The following CHD2 variants were observed in gnomAD, a reference collection of about 807,000 sequenced individuals.
CHD2 encodes chromodomain helicase DNA binding protein 2, also known as ATP-dependent chromatin remodeler CHD2.
In CHD2, 28 loss-of-function variants were observed where a neutral mutation model predicts 243.9. That is an observed-to-expected ratio of 0.11 (90% confidence interval 0.09 to 0.16). The LOEUF (loss-of-function observed/expected upper bound fraction) is 0.16, where lower values mean the gene tolerates loss of function less well. Among genes scored for constraint, CHD2 ranks in the 10% least tolerant of loss-of-function variants. The pLI is 1.00. For synonymous variants in CHD2, 775 were observed against 779.0 expected (o/e 0.99, Z 0.09); for missense variants, 1,386 against 2,209.8 (o/e 0.63, Z 7.47).
chr15:93,015,182 G>A (rs2054443079), intron 37 of CHD2, among the ~76,000 whole-genome samples: 2 of 152,106 alleles, frequency 1.3e-5, no homozygotes, highest in South Asian at 4.1e-4. Context: ...GGGTTCAGGC[G>A]ATTCTCGTCC....
At chr15:92,924,604 G>GC in intron 3 of CHD2, 52 bp downstream of exon 3, 1 of 1,501,464 alleles carries the variant, frequency 6.7e-7, no homozygotes, top group Non-Finnish European at 9.3e-7. Flanking sequence ...GGACAAGCTA[G>GC]CAGACCTTTG....
intron 22 of CHD2, among the ~76,000 whole-genome samples, chr15:92,979,691 A>G (rs1291268296): frequency 6.6e-6 from 1 of 151,614 alleles, no homozygotes; most frequent in Non-Finnish European, 1.5e-5. Context: ...TTGTGCTTCC[A>G]GAAGGGTGTA....
Position 92,901,270 on chromosome 15 carries a change from G to T in CHD2, c.33G>T (p.Glu11Asp). Residue 11 changes from glutamate (E) to aspartate (D), a missense_variant, in exon 2 of 39, where the codon GAG (glutamate) becomes GAT (aspartate). Around this residue, in one of 19 missense-constraint regions of CHD2, gnomAD observed 89 missense variants for 102.4 expected, o/e 0.87. Transcript: ENST00000394196. ...GAAATAAGGACAAAAGCCAAGAGGA[G>T]GACAGTTCGCTACACAGCAATGCAT... MMRNKDKSQE[E>D]DSSLHSNASS... 1 of 1,608,126 alleles carries T rather than the reference G, an allele frequency of 6.2e-7. No individual in the cohort carries two copies. Among genetic ancestry groups the T allele is most frequent in the Non-Finnish European group, 8.5e-7 (1 of 1,175,180 alleles).
At chr15:92,962,984 A>G (rs377155737) in intron 16 of CHD2, among the ~76,000 whole-genome samples, 1 of 152,166 alleles carries the variant, frequency 6.6e-6, no homozygotes, top group African/African-American at 2.4e-5. Context: ...TTTGCATGAT[A>G]TATTGTTTTC....
chr15:93,009,274 G>A lies in CHD2; in HGVS notation c.4543G>A (p.Glu1515Lys). 6.2e-7 allele frequency: 1 copy of A among 1,614,184 alleles called. No homozygotes were observed. The highest frequency in any genetic ancestry group is 8.5e-7 in the Non-Finnish European group (1 of 1,180,026). Residue 1515 changes from glutamate to lysine, a missense_variant, in exon 35 of 39, where the codon GAG (glutamate) becomes AAG (lysine). Physicochemically the swap from Glu to Lys is moderately conservative, Grantham distance 56. Around this residue, in one of 19 missense-constraint regions of CHD2, gnomAD observed 42 missense variants for 47.6 expected, o/e 0.88. Transcript: ENST00000394196. ...GCTGAAAATCGGAGACCGGATAGCC[G>A]AGTGCCTTAAAGCCTACTCAGATCA... is the stretch of plus-strand genomic sequence containing the variant. ...CLLKIGDRIAECLKAYSDQEH... is the reference protein window; with the variant it reads ...CLLKIGDRIAKCLKAYSDQEH...
chr15:93,020,585 A>G (rs186370727), intron 38 of CHD2: 153 of 520,092 alleles, frequency 2.9e-4, no homozygotes, highest in Non-Finnish European at 5.0e-4. Flanking sequence ...GGTATCAGGG[A>G]TCCCGAGATG....
chr15:92,964,063 C>CT (rs2053724032), intron 16 of CHD2, among the ~76,000 whole-genome samples: 1 of 152,208 alleles, frequency 6.6e-6, no homozygotes, highest in Non-Finnish European at 1.5e-5. Context: ...TCAGCATGGG[C>CT]TATGTTTGGA....
At chr15:92,932,053 G>A (rs943847596) in intron 5 of CHD2, among the ~76,000 whole-genome samples, 1 of 151,956 alleles carries the variant, frequency 6.6e-6, no homozygotes, top group African/African-American at 2.4e-5. Context: ...TAATAGAGAC[G>A]GGGTTTCACC....
chr15:92,904,644 T>C, intron 2 of CHD2: 1 of 1,259,448 alleles, frequency 7.9e-7, no homozygotes, highest in Non-Finnish European at 1.0e-6. Flanking sequence ...TTATCCTCTT[T>C]GAGAAGCGGC....
Position 92,974,859 on chromosome 15 carries a change from C to T in CHD2, c.2506-20C>T. On this transcript the variant is annotated intron_variant, in intron 19 of 38. Transcript: ENST00000394196. ...GCTGATCTTCCTATCTTACAGTTTTCTTGTGGTTTATTTTTACAGCGTCTG... is the reference window on the plus strand; with the variant it reads ...GCTGATCTTCCTATCTTACAGTTTTTTTGTGGTTTATTTTTACAGCGTCTG... 10 of 1,611,884 alleles carry T rather than the reference C, an allele frequency of 6.2e-6. No individual in the cohort carries two copies. The highest frequency in any genetic ancestry group is 8.5e-6 in the Non-Finnish European group (10 of 1,178,150).
chr15:92,949,105 C>T, intron 13 of CHD2, 29 bp downstream of exon 13: 1 of 1,601,446 alleles, frequency 6.2e-7, no homozygotes, highest in East Asian at 2.2e-5. Context: ...GTGCAATTTT[C>T]CTTACTGTTT....
intron 2 of CHD2, chr15:92,904,938 A>G (rs1330602639): frequency 3.5e-5 from 53 of 1,536,020 alleles, no homozygotes; most frequent in Non-Finnish European, 4.4e-5. Context: ...AGATTATTTG[A>G]ACTTGTCCCC....
Position 93,020,003 on chromosome 15 carries a change from T to G in CHD2, c.4907-9T>G, listed in dbSNP as rs747965948. The G allele has an allele frequency of 1.9e-5, 30 of 1,605,896 alleles. No individual in the cohort carries two copies. The highest frequency in any genetic ancestry group is 2.5e-5 in the Non-Finnish European group (29 of 1,173,982). On this transcript the variant is annotated splice_polypyrimidine_tract_variant and intron_variant, in intron 37 of 38. Transcript: ENST00000394196. The stretch of plus-strand genomic sequence containing the variant: ...TGCAGTCATCAGATCATTCTTTCTT[T>G]TCCTGCAGATCGAGGAGACTGGCAG...
In CHD2 at chr15:92,998,711, C is replaced by G; in HGVS notation, c.4008+90C>G. 2.1e-6 allele frequency: 3 copies of G among 1,449,214 alleles called. No individual in the cohort carries two copies. Among genetic ancestry groups the G allele is most frequent in the Non-Finnish European group, 2.8e-6 (3 of 1,064,172 alleles). The allele number at this position is 1,449,214 out of a possible 1,614,324, so 89.8% of individuals were successfully genotyped here. On this transcript the variant is annotated intron_variant, in intron 31 of 38. Coordinates refer to ENST00000394196, the MANE Select transcript of CHD2 (RefSeq NM_001271.4). The surrounding 1 kb of genome is among the most constrained non-coding windows in gnomAD (Gnocchi z 5.1). Reference sequence around the variant, plus strand: ...GGAAGAGAGAGGCCCTCTCTGAGCACTGCACAGAATGTCACCTTCTCATGG... The same window carrying G: ...GGAAGAGAGAGGCCCTCTCTGAGCAGTGCACAGAATGTCACCTTCTCATGG...
intron 2 of CHD2, among the ~76,000 whole-genome samples, chr15:92,913,011 C>T (rs999255598): frequency 5.3e-5 from 8 of 152,244 alleles, no homozygotes; most frequent in Non-Finnish European, 4.4e-5. Flanking sequence ...TCTGTTCCCT[C>T]TGAATCTAGC....
chr15:92,931,426 C>CT (rs2053164165), intron 5 of CHD2, among the ~76,000 whole-genome samples: 1 of 152,150 alleles, frequency 6.6e-6, no homozygotes, highest in Non-Finnish European at 1.5e-5. Flanking sequence ...GTCACCTAGG[C>CT]TAGAGTGCAG....
At position 92,924,348 on chromosome 15, in the gene CHD2, T is replaced by C. The variant is rs2053017360; in HGVS notation, c.90T>C (p.Gly30=). The part of the protein sequence containing the change: ...SSHSASEEAS[G]SDSGSQSESE... ...ACTCAGCCTCTGAAGAAGCTTCGGGTTCAGACTCAGGCAGTCAGTCGGAAA... is the reference window on the plus strand; with the variant it reads ...ACTCAGCCTCTGAAGAAGCTTCGGGCTCAGACTCAGGCAGTCAGTCGGAAA... The change falls in exon 3 of 39, where the codon GGT becomes GGC. Residue 30 remains glycine (G), a synonymous_variant. Transcript: ENST00000394196. 1 of 1,613,880 alleles carries C rather than the reference T, an allele frequency of 6.2e-7. No individual in the cohort carries two copies.
chr15:92,947,085 G>GTCC (rs1472869030), intron 12 of CHD2: 3 of 152,150 alleles, frequency 2.0e-5, no homozygotes, highest in African/African-American at 7.2e-5. Flanking sequence ...ATGTGCTTGG[G>GTCC]TCCTCAGTAA....
intron 2 of CHD2, among the ~76,000 whole-genome samples, chr15:92,903,858 T>G (rs1198791336): frequency 6.6e-6 from 1 of 152,230 alleles, no homozygotes; most frequent in Non-Finnish European, 1.5e-5. Context: ...TTTATTTTTA[T>G]AACCTGAGGT....
Sources: allele counts gnomAD v4.1 joint callset (sites outside exome capture counted in the v4.1 genomes callset), GRCh38; gene constraint gnomAD v4.1.1; regional missense constraint gnomAD v4.1.1; non-coding constraint Gnocchi (gnomAD v3.1); transcripts MANE v1.5; gene names NCBI Gene and HGNC (gene_info 2026-07-23, HGNC 2026-07-21).